LDLRAD4: variants seen among roughly 807,000 people sequenced by gnomAD.
The protein encoded by LDLRAD4 is low density lipoprotein receptor class A domain containing 4, also known as low-density lipoprotein receptor class A domain-containing protein 4.
Under a neutral mutation model 17.0 loss-of-function variants are expected in LDLRAD4, and 5 were observed. The ratio of observed to expected loss-of-function variants is 0.29; its 90% confidence interval spans 0.15 to 0.62. The LOEUF is 0.62. Ranked by LOEUF, LDLRAD4 falls within the 20% of genes least tolerant of loss-of-function variation. The pLI is 0.84. For missense variants in LDLRAD4, 340 were observed against 424.7 expected, an observed-to-expected ratio of 0.80 and a Z score of 1.75; for synonymous variants, 168 against 171.8, an observed-to-expected ratio of 0.98 and a Z score of 0.17.
chr18:13,447,325 C>T (rs1207545818), intron 3 of LDLRAD4, among the ~76,000 whole-genome samples: 3 of 152,170 alleles, frequency 2.0e-5, no homozygotes, highest in Non-Finnish European at 2.9e-5. Context: ...CCCAGGGAGG[C>T]GCTGGCAGCC....
intron 2 of LDLRAD4, among the ~76,000 whole-genome samples, chr18:13,432,110 A>T (rs1478041958): frequency 6.6e-6 from 1 of 152,180 alleles, no homozygotes; most frequent in Non-Finnish European, 1.5e-5. Context: ...CCTACTCAAC[A>T]TGTGCACCTT....
At chr18:13,310,952 A>G (rs1171428052) in intron 1 of LDLRAD4, among the ~76,000 whole-genome samples, 1 of 152,216 alleles carries the variant, frequency 6.6e-6, no homozygotes, top group Admixed American at 6.5e-5. Flanking sequence ...TACATCCGCT[A>G]GCATTTCTGT....
At chr18:13,320,218 G>A (rs908166987) in intron 1 of LDLRAD4, among the ~76,000 whole-genome samples, 4 of 152,146 alleles carry the variant, frequency 2.6e-5, no homozygotes, top group East Asian at 3.8e-4. Flanking sequence ...AGAATCATTC[G>A]CAAGTCTTTT....
chr18:13,580,444 G>GC (rs1465466833), intron 3 of LDLRAD4, among the ~76,000 whole-genome samples: 1 of 152,248 alleles, frequency 6.6e-6, no homozygotes, highest in African/African-American at 2.4e-5. Context: ...CAGAGGATGG[G>GC]CCCCAGAGGG....
intron 1 of LDLRAD4, among the ~76,000 whole-genome samples, chr18:13,250,674 T>C (rs554470799): frequency 7.2e-5 from 11 of 152,136 alleles, no homozygotes; most frequent in African/African-American, 2.6e-4. Flanking sequence ...CCTACCAAGA[T>C]TGAGCCAAGA....
At position 13,621,034 on chromosome 18, in the gene LDLRAD4, A is replaced by G; in HGVS notation, c.182-83A>G. On this transcript the variant is annotated intron_variant, in intron 3 of 5. Coordinates refer to ENST00000359446, the Ensembl canonical transcript of LDLRAD4. This position sits in a 1 kb window ranked among gnomAD's most constrained non-coding sequence, Gnocchi z 5.5. ...GTGTGTGAGAGGCCTTCAGGGCCTG[A>G]TGGCTGGGGTGGTGACAGTGCCTGG... is the stretch of plus-strand genomic sequence containing the variant. 1 of 1,601,388 alleles carries G rather than the reference A, an allele frequency of 6.2e-7. No individual in the cohort carries two copies.
At chr18:13,319,549 C>T (rs942431355) in intron 1 of LDLRAD4, among the ~76,000 whole-genome samples, 5 of 152,184 alleles carry the variant, frequency 3.3e-5, no homozygotes, top group African/African-American at 1.2e-4. Context: ...TTGTCTCTCT[C>T]TAAAAGTTAT....
At chr18:13,328,101 C>A (rs2081633056) in intron 1 of LDLRAD4, among the ~76,000 whole-genome samples, 1 of 152,190 alleles carries the variant, frequency 6.6e-6, no homozygotes, top group South Asian at 2.1e-4. Flanking sequence ...GCTGTCCCTC[C>A]CTTTTGTGGT....
rs567191419 is a variant in LDLRAD4, at chr18:13,603,446, C to G, written c.182-17671C>G. Among the ~76,000 whole-genome samples, 455 of 152,342 alleles carry G rather than the reference C, an allele frequency of 3.0e-3. 3 individuals are homozygous for G. The highest frequency in any genetic ancestry group is 0.011 in the African/African-American group (438 of 41,578). ...CTGATGCAGTGGTGAGGAACAGGCT[C>G]TGGAGTCAGTCTTCCTAGTTCAGGT... is the stretch of plus-strand genomic sequence containing the variant. On this transcript the variant is annotated intron_variant, in intron 3 of 5. Coordinates refer to ENST00000359446, the Ensembl canonical transcript of LDLRAD4.
In LDLRAD4 at chr18:13,379,246, TG is replaced by T. The variant is rs150231512; in HGVS notation, c.-382-8091del. Among the ~76,000 whole-genome samples the T allele has an allele frequency of 0.011, 1,679 of 152,330 alleles. 58 individuals carry two copies. In the East Asian group the frequency reaches 0.13, roughly 12 times the overall value. On this transcript the variant is annotated intron_variant, in intron 1 of 5. Transcript: ENST00000359446. ...TTGTTTGAGCATGTTTGAAACAGTG[TG>T]GGGCTGGGCACTGCCTGTGCAGTAA...
chr18:13,524,151 C>G (rs910039091), intron 3 of LDLRAD4, among the ~76,000 whole-genome samples: 1 of 152,222 alleles, frequency 6.6e-6, no homozygotes, highest in African/African-American at 2.4e-5. Context: ...TGAGAGGAGC[C>G]TCAGAGCACC....
intron 3 of LDLRAD4, among the ~76,000 whole-genome samples, chr18:13,525,807 C>A (rs1173941043): frequency 6.6e-6 from 1 of 152,198 alleles, no homozygotes; most frequent in Non-Finnish European, 1.5e-5. Flanking sequence ...TGTGCCCACT[C>A]TAGGGGGCGG....
chr18:13,397,130 T>C (rs997797554), intron 2 of LDLRAD4, among the ~76,000 whole-genome samples: 1 of 152,136 alleles, frequency 6.6e-6, no homozygotes, highest in African/African-American at 2.4e-5. Context: ...GCCTGACTTT[T>C]ATTTTTTTGT....
At chr18:13,522,879 A>C (rs2093974152) in intron 3 of LDLRAD4, 1 of 152,150 alleles carries the variant, frequency 6.6e-6, no homozygotes. Context: ...GTATGTACGA[A>C]GTTTGTAAAG....
intron 2 of LDLRAD4, among the ~76,000 whole-genome samples, chr18:13,401,370 GA>G (rs10575892): frequency 0.6 from 85,109 of 142,322 alleles, 26,011 homozygotes; most frequent in Non-Finnish European, 0.71. Context: ...TCATCGCTTT[GA>G]AAAAAAAAAA....
intron 1 of LDLRAD4, among the ~76,000 whole-genome samples, chr18:13,246,343 T>C (rs1393933277): frequency 1.3e-5 from 2 of 152,212 alleles, no homozygotes; most frequent in South Asian, 2.1e-4. Flanking sequence ...CGCCTGGTGA[T>C]GTGCATTCTG....
intron 3 of LDLRAD4, among the ~76,000 whole-genome samples, chr18:13,569,442 G>T (rs531189623): frequency 6.6e-6 from 1 of 152,254 alleles, no homozygotes; most frequent in East Asian, 1.9e-4. Context: ...GTCGGATGTT[G>T]CTTATCTTCA....
Position 13,367,102 on chromosome 18 carries a change from A to G in LDLRAD4, c.-382-20239A>G, listed in dbSNP as rs752000842. On this transcript the variant is annotated intron_variant, in intron 1 of 5. Coordinates refer to ENST00000359446, the Ensembl canonical transcript of LDLRAD4. This position sits in a 1 kb window ranked among gnomAD's most constrained non-coding sequence, Gnocchi z 4.1. ...TCTTAGGACATTTGCCCACAGCGAG[A>G]TGCAAACTGGGTGTCACACAGAACA... 7.2e-5 allele frequency among the ~76,000 whole-genome samples: 11 copies of G among 152,194 alleles called. No homozygotes were observed. Among genetic ancestry groups the G allele is most frequent in the Non-Finnish European group, 1.3e-4 (9 of 68,038 alleles).
chr18:13,579,984 G>GCCTT (rs1156342361), intron 3 of LDLRAD4, among the ~76,000 whole-genome samples: 5 of 152,130 alleles, frequency 3.3e-5, no homozygotes, highest in East Asian at 1.9e-4. Flanking sequence ...TAGTCACACT[G>GCCTT]CCTTCCTTCC....
Sources: allele counts gnomAD v4.1 joint callset (sites outside exome capture counted in the v4.1 genomes callset), GRCh38; gene constraint gnomAD v4.1.1; non-coding constraint Gnocchi (gnomAD v3.1); transcripts MANE v1.5; gene names NCBI Gene and HGNC (gene_info 2026-07-23, HGNC 2026-07-21).